Variants in PTPRN2 observed in about 807,000 individuals in gnomAD.
The protein encoded by PTPRN2 is receptor-type tyrosine-protein phosphatase N2.
Under a neutral mutation model 118.8 loss-of-function variants are expected in PTPRN2, and 74 were observed. That is an observed-to-expected ratio of 0.62 (90% confidence interval 0.52 to 0.76). The LOEUF is 0.76. Among genes scored for constraint, PTPRN2 ranks in the 30% least tolerant of loss-of-function variants. The pLI is 0.00. For missense variants in PTPRN2, 1,481 were observed against 1,394.4 expected, an observed-to-expected ratio of 1.06 and a Z score of -0.99; for synonymous variants, 641 against 608.0, an observed-to-expected ratio of 1.05 and a Z score of -0.80.
intron 14 of PTPRN2, among the ~76,000 whole-genome samples, chr7:157,626,209 C>T (rs189828874): frequency 2.0e-5 from 3 of 152,296 alleles, no homozygotes; most frequent in African/African-American, 7.2e-5. Flanking sequence ...TTCTTACCAT[C>T]GCTTCCCCTT....
intron 12 of PTPRN2, among the ~76,000 whole-genome samples, chr7:157,803,210 C>G (rs946168144): frequency 2.6e-5 from 4 of 152,194 alleles, no homozygotes; most frequent in African/African-American, 9.7e-5. Context: ...AGTGATCCAC[C>G]CACCTTTGCC....
intron 2 of PTPRN2, among the ~76,000 whole-genome samples, chr7:158,460,333 G>C (rs1350102315): frequency 4.9e-5 from 2 of 40,666 alleles, no homozygotes; most frequent in Non-Finnish European, 1.2e-4. Flanking sequence ...CAAGAGCACA[G>C]GAGGGTCATT....
chr7:158,047,632 C>A (rs1025729198), intron 11 of PTPRN2, among the ~76,000 whole-genome samples: 1 of 152,228 alleles, frequency 6.6e-6, no homozygotes. Flanking sequence ...TGAGGGCTGC[C>A]TGCAGTCACT....
chr7:157,980,976 G>T (rs564118939), intron 11 of PTPRN2, among the ~76,000 whole-genome samples: 48 of 151,952 alleles, frequency 3.2e-4, no homozygotes, highest in African/African-American at 1.1e-3. Flanking sequence ...TCCCACACGG[G>T]CTCTGGGGAC....
intron 14 of PTPRN2, among the ~76,000 whole-genome samples, chr7:157,646,500 T>C (rs781153519): frequency 1.1e-4 from 17 of 152,160 alleles, no homozygotes; most frequent in Non-Finnish European, 2.2e-4. Context: ...TCAACCTCTT[T>C]TCTTTATGAA....
intron 12 of PTPRN2, among the ~76,000 whole-genome samples, chr7:157,715,666 C>T (rs972405514): frequency 2.6e-5 from 4 of 152,210 alleles, no homozygotes; most frequent in African/African-American, 9.7e-5. Flanking sequence ...TGATCTGTGA[C>T]TTTGGGCAAA....
intron 11 of PTPRN2, among the ~76,000 whole-genome samples, chr7:158,070,519 CCTG>C (rs201267440): frequency 4.4e-5 from 4 of 90,344 alleles, no homozygotes; most frequent in African/African-American, 2.1e-4. Flanking sequence ...TGGAGGTGCT[CCTG>C]GTGGTGGAGG....
In PTPRN2 at chr7:157,929,024, C is replaced by G. The variant is rs1799206275; in HGVS notation, c.1724-30287G>C. 6.6e-6 allele frequency among the ~76,000 whole-genome samples: 1 copy of G among 152,132 alleles called. No individual in the cohort carries two copies. Among genetic ancestry groups the G allele is most frequent in the Non-Finnish European group, 1.5e-5 (1 of 68,018 alleles). On this transcript the variant is annotated intron_variant, in intron 11 of 22. Coordinates refer to ENST00000389418, the MANE Select transcript of PTPRN2 (RefSeq NM_002847.5). This position sits in a 1 kb window ranked among gnomAD's most constrained non-coding sequence, Gnocchi z 4.4. ...AGGAGGGGACATGGAGATGGTTTAA[C>G]CTCACATGCCCACTTTAGAGGCAGG...
intron 12 of PTPRN2, among the ~76,000 whole-genome samples, chr7:157,778,117 CAAG>C (rs746790640): frequency 1.3e-5 from 2 of 152,228 alleles, no homozygotes; most frequent in Non-Finnish European, 2.9e-5. Flanking sequence ...ACCAGAGCTC[CAAG>C]AACACACAGA....
At chr7:158,312,698 CTCAT>C (rs1003084723) in intron 3 of PTPRN2, among the ~76,000 whole-genome samples, 2 of 137,744 alleles carry the variant, frequency 1.5e-5, no homozygotes, top group African/African-American at 5.4e-5. Flanking sequence ...CACCTGCACA[CTCAT>C]TCACGTGCTC....
intron 21 of PTPRN2, among the ~76,000 whole-genome samples, chr7:157,561,116 C>G (rs544648291): frequency 2.0e-5 from 3 of 152,136 alleles, no homozygotes; most frequent in African/African-American, 7.2e-5. Context: ...TGGTTCTGCA[C>G]TGCCCAGCCA....
rs151301382 is a variant in PTPRN2, at chr7:158,142,669, T to C, written c.911-4154A>G. Among the ~76,000 whole-genome samples the C allele has an allele frequency of 2.8e-4, 43 of 152,214 alleles. 1 individual carries two copies. The highest frequency in any genetic ancestry group is 3.4e-3 in the Middle Eastern group (1 of 294). On this transcript the variant is annotated intron_variant, in intron 6 of 22. Coordinates refer to ENST00000389418, the MANE Select transcript of PTPRN2 (RefSeq NM_002847.5). ...CCACACATCAGCCCTCACCATGCATTCACTGATGGAATGCTACCTTCAAAG... is the reference window on the plus strand; with the variant it reads ...CCACACATCAGCCCTCACCATGCATCCACTGATGGAATGCTACCTTCAAAG...
In PTPRN2 at chr7:158,109,286, T is replaced by A. The variant is rs150145818; in HGVS notation, c.1643+1543A>T. On this transcript the variant is annotated intron_variant, in intron 10 of 22. Transcript: ENST00000389418. Reference sequence around the variant, plus strand: ...CATAACTCCTGAGTGAAGGAGACAGTGAGTGAATGACATCACCCCTGTGTG... The same window carrying A: ...CATAACTCCTGAGTGAAGGAGACAGAGAGTGAATGACATCACCCCTGTGTG... 2.0e-4 allele frequency among the ~76,000 whole-genome samples: 30 copies of A among 146,974 alleles called. No homozygotes were observed. The East Asian group carries it at 6.0e-3, about 29-fold the overall frequency.
chr7:157,652,285 C>T (rs74952371), intron 14 of PTPRN2, among the ~76,000 whole-genome samples: 2 of 152,184 alleles, frequency 1.3e-5, no homozygotes, highest in Non-Finnish European at 2.9e-5. Context: ...GACGCACCTT[C>T]GGCACAGGTG....
At chr7:157,569,074 A>G in intron 20 of PTPRN2, 108 bp from the exon 21 acceptor site, 1 of 1,085,164 alleles carries the variant, frequency 9.2e-7, no homozygotes, top group Non-Finnish European at 1.4e-6. Flanking sequence ...GGCCGGCGAG[A>G]GGAAAGGATG....
intron 11 of PTPRN2, among the ~76,000 whole-genome samples, chr7:157,993,901 GC>G (rs771958758): frequency 6.6e-6 from 1 of 152,116 alleles, no homozygotes; most frequent in African/African-American, 2.4e-5. Flanking sequence ...GGGGTCAGTG[GC>G]CCCCCATGCA....
At chr7:158,395,298 T>C (rs71544587) in intron 2 of PTPRN2, among the ~76,000 whole-genome samples, 219 of 17,242 alleles carry the variant, frequency 0.013, 1 homozygote, top group South Asian at 0.018. Context: ...GGGTGAGGGG[T>C]GAGGGGCGAG....
At chr7:158,326,481 A>G (rs11770823) in intron 2 of PTPRN2, among the ~76,000 whole-genome samples, 146,930 of 152,338 alleles carry the variant, frequency 0.96, 70,913 homozygotes, top group African/African-American at 0.99. Context: ...AAGCAACCAC[A>G]TACACAGACA....
At chr7:157,878,207 G>A (rs1795897035) in intron 12 of PTPRN2, among the ~76,000 whole-genome samples, 1 of 152,262 alleles carries the variant, frequency 6.6e-6, no homozygotes, top group Admixed American at 6.5e-5. Context: ...ATGCACCAGG[G>A]ATCCCCGTGC....
Sources: gnomAD v4.1 joint callset for allele counts (sites outside exome capture counted in the v4.1 genomes callset) on GRCh38, gnomAD v4.1.1 for gene constraint, Gnocchi (gnomAD v3.1) non-coding constraint, MANE v1.5 for transcripts, NCBI Gene and HGNC (gene_info 2026-07-23, HGNC 2026-07-21) for gene names.